CEP295: variants seen among roughly 807,000 people sequenced by gnomAD.
The protein encoded by CEP295 is centrosomal protein of 295 kDa.
CEP295 carries 190 observed loss-of-function variants against 291.6 expected under a neutral mutation model. That is an observed-to-expected ratio of 0.65 (90% confidence interval 0.58 to 0.73). The LOEUF (loss-of-function observed/expected upper bound fraction) is 0.73, where lower values mean the gene tolerates loss of function less well. Ranked by LOEUF, CEP295 falls within the 30% of genes least tolerant of loss-of-function variation. The probability of loss-of-function intolerance (pLI) is 0.00; values close to 1 mark genes in which losing one functional copy is unlikely to be tolerated. For synonymous variants in CEP295, 993 were observed against 1,038.8 expected (o/e 0.96, Z 0.85); for missense variants, 2,863 against 2,949.4 (o/e 0.97, Z 0.68).
Position 93,691,789 on chromosome 11 carries a change from T to G in CEP295, c.1429+14T>G. On this transcript the variant is annotated intron_variant, in intron 11 of 29. Coordinates refer to ENST00000325212, the MANE Select transcript of CEP295 (RefSeq NM_033395.2). ...GAAAAGAACAAGGTATTTCTTTTTA[T>G]CACATCCTCAAATTAAATTTGACTC... The G allele has an allele frequency of 6.8e-7, 1 of 1,479,788 alleles. No homozygotes were observed. Among genetic ancestry groups the G allele is most frequent in the South Asian group, 1.3e-5 (1 of 78,566 alleles). 91.7% of individuals were successfully genotyped at this position (1,479,788 alleles called of 1,614,324 possible).
At position 93,722,022 on chromosome 11, in the gene CEP295, A is replaced by T. The variant is rs1565216235; in HGVS notation, c.5919A>T (p.Glu1973Asp). Residue 1973 changes from glutamate (E) to aspartate (D), a missense_variant, in exon 20 of 30, where the codon GAA (glutamate) becomes GAT (aspartate). Physicochemically the swap from Glu to Asp is conservative, Grantham distance 45. Around this residue, in one of 3 missense-constraint regions of CEP295, gnomAD observed 2,295 missense variants for 2,335.7 expected, o/e 0.98. Coordinates refer to ENST00000325212, the MANE Select transcript of CEP295 (RefSeq NM_033395.2). ...CCACTGGGAGCCTTTTAAGTTATGA[A>T]AACACAGATTTGAGCCTTACAGATC... The part of the protein sequence containing the change: ...TVSTGSLLSY[E>D]NTDLSLTDPE... The T allele has an allele frequency of 6.4e-7, 1 of 1,561,420 alleles. No individual in the cohort carries two copies. The highest frequency in any genetic ancestry group is 8.7e-7 in the Non-Finnish European group (1 of 1,150,476).
chr11:93,680,563 AT>A, intron 7 of CEP295, among the ~76,000 whole-genome samples: 1 of 152,260 alleles, frequency 6.6e-6, no homozygotes, highest in East Asian at 1.9e-4. Context: ...AGGTAGGAGG[AT>A]TGCTTGAGCC....
intron 2 of CEP295, 85 bp downstream of exon 2, chr11:93,666,900 G>A (rs1431878204): frequency 2.5e-6 from 2 of 791,496 alleles, no homozygotes; most frequent in Non-Finnish European, 4.0e-6. Context: ...TCTAAATGTT[G>A]TATTTAAAAA....
intron 12 of CEP295, among the ~76,000 whole-genome samples, chr11:93,692,358 T>G (rs1237951172): frequency 1.3e-5 from 2 of 152,254 alleles, no homozygotes; most frequent in Non-Finnish European, 2.9e-5. Context: ...ACATAGCAAG[T>G]ATACAATAAA....
chr11:93,665,780 G>C (rs1486668270), intron 1 of CEP295, among the ~76,000 whole-genome samples: 1 of 152,112 alleles, frequency 6.6e-6, no homozygotes, highest in East Asian at 1.9e-4. Flanking sequence ...TAAAAATTAC[G>C]TCACTATAAT....
In CEP295 at chr11:93,696,830, G is replaced by A; in HGVS notation, c.1918G>A (p.Ala640Thr). The A allele has an allele frequency of 6.4e-7, 1 of 1,551,654 alleles. No individual in the cohort carries two copies. The highest frequency in any genetic ancestry group is 8.7e-7 in the Non-Finnish European group (1 of 1,146,990). The change falls in exon 15 of 30, where the codon GCT becomes ACT. Residue 640 changes from alanine to threonine, a missense_variant. Physicochemically the swap from Ala to Thr is moderately conservative, Grantham distance 58 (BLOSUM62 0). Transcript: ENST00000325212. ...ATCATGGAAATCTGAGAGACCGACTGCTATATCAGAGCATTGGGATCAAGG... is the reference window on the plus strand; with the variant it reads ...ATCATGGAAATCTGAGAGACCGACTACTATATCAGAGCATTGGGATCAAGG... ...VPSWKSERPTAISEHWDQGQR... is the reference protein window; with the variant it reads ...VPSWKSERPTTISEHWDQGQR...
At chr11:93,710,213 C>T (rs999083972) in intron 18 of CEP295, among the ~76,000 whole-genome samples, 8 of 150,970 alleles carry the variant, frequency 5.3e-5, no homozygotes, top group Non-Finnish European at 1.0e-4. Flanking sequence ...TGTTTCAGAT[C>T]TTAGAGGAAA....
chr11:93,675,607 A>C lies in CEP295; in HGVS notation c.565A>C (p.Asn189His), dbSNP rs1950649473. 6.6e-7 allele frequency: 1 copy of C among 1,512,794 alleles called. No individual in the cohort carries two copies. 93.7% of individuals were successfully genotyped at this position (1,512,794 alleles called of 1,614,324 possible). A position where few individuals can be genotyped will look rare whatever the true frequency, so the allele number is the denominator to read the frequency against. The change falls in exon 6 of 30, where the codon AAT becomes CAT. Residue 189 changes from asparagine (N) to histidine (H), a missense_variant. Transcript: ENST00000325212. ...EVKRISAVKT[N>H]SSTYHHLHTF... ...AAAAAGAATTTCTGCAGTCAAAACC[A>C]ATAGTTCTACCTACCATCATCTTCA...
chr11:93,715,174 T>G (rs535937630), intron 18 of CEP295, among the ~76,000 whole-genome samples: 1 of 152,204 alleles, frequency 6.6e-6, no homozygotes, highest in Admixed American at 6.5e-5. Context: ...TACTCTACTG[T>G]GGCTAAGCAG....
chr11:93,678,740 C>A (rs1265142704), intron 6 of CEP295, among the ~76,000 whole-genome samples: 2 of 151,976 alleles, frequency 1.3e-5, no homozygotes, highest in Admixed American at 6.6e-5. Context: ...ATAGCAAGAC[C>A]CATCTCTTTA....
At position 93,667,869 on chromosome 11, in the gene CEP295, A is replaced by C; in HGVS notation, c.309+62A>C. Reference sequence around the variant, plus strand: ...GTAATATTAGTAAAAAGTAAATTATAGTTGTTGAATGCTTTTCTGATAACA... The same window carrying C: ...GTAATATTAGTAAAAAGTAAATTATCGTTGTTGAATGCTTTTCTGATAACA... On this transcript the variant is annotated intron_variant, in intron 3 of 29. Transcript: ENST00000325212. 3.5e-6 allele frequency: 4 copies of C among 1,128,452 alleles called. No homozygotes were observed. The South Asian group carries it at 6.7e-5, about 19-fold the overall frequency. The allele number at this position is 1,128,452 out of a possible 1,614,324, so 69.9% of individuals were successfully genotyped here.
chr11:93,708,303 A>G (rs527348511), intron 18 of CEP295, among the ~76,000 whole-genome samples: 3 of 152,234 alleles, frequency 2.0e-5, no homozygotes, highest in East Asian at 1.9e-4. Flanking sequence ...ACGACCCCCA[A>G]CTACGCTTCC....
At chr11:93,689,379 C>T (rs553849808) in intron 10 of CEP295, among the ~76,000 whole-genome samples, 78 of 152,324 alleles carry the variant, frequency 5.1e-4, no homozygotes, top group Non-Finnish European at 9.6e-4. Flanking sequence ...TGCCACACCT[C>T]CCTACCCATC....
chr11:93,673,405 A>C (rs1950538633), intron 5 of CEP295, among the ~76,000 whole-genome samples: 1 of 152,208 alleles, frequency 6.6e-6, no homozygotes, highest in Non-Finnish European at 1.5e-5. Flanking sequence ...ATCTGGATGT[A>C]TATCCAGGTA....
chr11:93,712,856 T>TTGTTG (rs1953000977), intron 18 of CEP295, among the ~76,000 whole-genome samples: 1 of 148,764 alleles, frequency 6.7e-6, no homozygotes, highest in African/African-American at 2.5e-5. Flanking sequence ...TTTCTTCTGT[T>TTGTTG]TTGTTGTTGT....
intron 19 of CEP295, 98 bp from the exon 20 acceptor site, chr11:93,721,856 A>G (rs1953754479): frequency 2.5e-6 from 2 of 796,606 alleles, no homozygotes; most frequent in Non-Finnish European, 4.4e-6. Context: ...TCTACACTTG[A>G]CCTGAGCTCA....
rs1953697295 is a variant in CEP295, at chr11:93,721,331, T to C, written c.5769T>C (p.Val1923=). ...YDEAVKLKES[V]VENHAVLSYA... is the part of the protein sequence containing the mutation. ...TTTCAGTTAAGCTGAAGGAATCTGT[T>C]GTTGAAAATCATGCAGTGTTAAGTT... The change falls in exon 19 of 30, where the codon GTT becomes GTC. Residue 1923 remains valine, a synonymous_variant. Coordinates refer to ENST00000325212, the MANE Select transcript of CEP295 (RefSeq NM_033395.2). The C allele has an allele frequency of 1.9e-6, 3 of 1,553,238 alleles. No individual in the cohort carries two copies.
In CEP295 at chr11:93,684,131, A is replaced by G. The variant is rs1951108277; in HGVS notation, c.1114+3A>G. The G allele has an allele frequency of 6.5e-7, 1 of 1,549,934 alleles. No homozygotes were observed. Among genetic ancestry groups the G allele is most frequent in the African/African-American group, 1.4e-5 (1 of 72,934 alleles). ...AATATGTTCTAGTGAAACAGATGGT[A>G]AAAACCCTTCTGAGCTAAATATTAC... On this transcript the variant is annotated splice_donor_region_variant and intron_variant, in intron 9 of 29. Transcript: ENST00000325212.
intron 15 of CEP295, among the ~76,000 whole-genome samples, chr11:93,701,945 T>TTTGTTG (rs201375647): frequency 1.3e-4 from 19 of 150,298 alleles, no homozygotes; most frequent in Non-Finnish European, 2.4e-4. Flanking sequence ...GGTTGTTGTT[T>TTTGTTG]TTGTTGTTGT....
Sources: allele counts gnomAD v4.1 joint callset (sites outside exome capture counted in the v4.1 genomes callset), GRCh38; gene constraint gnomAD v4.1.1; regional missense constraint gnomAD v4.1.1; transcripts MANE v1.5; gene names NCBI Gene and HGNC (gene_info 2026-07-23, HGNC 2026-07-21).